The following SH3D19 variants were observed in gnomAD, a reference collection of about 807,000 sequenced individuals.
SH3D19 encodes the protein SH3 domain containing 19.
A neutral mutation model predicts 112.1 loss-of-function variants in SH3D19; 58 were observed. The observed-to-expected ratio is 0.52, with a 90% confidence interval of 0.42 to 0.64. SH3D19 has a LOEUF of 0.64. Among genes scored for constraint, SH3D19 ranks in the 30% least tolerant of loss-of-function variants. SH3D19 has a pLI of 0.00. For synonymous variants in SH3D19, 391 were observed against 448.5 expected (o/e 0.87, Z 1.62); for missense variants, 1,090 against 1,263.4 (o/e 0.86, Z 2.08).
chr4:151,145,408 C>A (rs1384317456), intron 11 of SH3D19, among the ~76,000 whole-genome samples: 2 of 152,108 alleles, frequency 1.3e-5, no homozygotes, highest in East Asian at 3.9e-4. Flanking sequence ...ATCAATCGAC[C>A]TTGTTATGTT....
intron 1 of SH3D19, chr4:151,277,185 G>A: frequency 6.7e-7 from 1 of 1,495,784 alleles, no homozygotes; most frequent in East Asian, 2.5e-5. Flanking sequence ...GGGCCCTGCT[G>A]GCTGTGCCTT....
intron 1 of SH3D19, among the ~76,000 whole-genome samples, chr4:151,314,094 A>T (rs1729759915): frequency 6.6e-6 from 1 of 152,214 alleles, no homozygotes; most frequent in South Asian, 2.1e-4. Flanking sequence ...AAGCTCCAGT[A>T]TAATGAAGGC....
intron 1 of SH3D19, among the ~76,000 whole-genome samples, chr4:151,288,164 C>T (rs1199240342): frequency 6.6e-6 from 1 of 151,900 alleles, no homozygotes; most frequent in Non-Finnish European, 1.5e-5. Flanking sequence ...AAACCCACAG[C>T]TAAAATACTT....
rs1379389179 is a variant in SH3D19 at position 151,286,196 on chromosome 4, A to AC, written c.112+39044_112+39045insG. The stretch of plus-strand genomic sequence containing the variant: ...ACCCTGTCTTAAAGAAAAAAAAAAA[A>AC]AAAAAAAACAACTAAACCTAAAGAA... On this transcript the variant is annotated intron_variant, in intron 1 of 19. Transcript: ENST00000604030. 1.7e-4 allele frequency among the ~76,000 whole-genome samples: 25 copies of AC among 150,052 alleles called. No homozygotes were observed. In the East Asian group the frequency reaches 3.9e-3, roughly 23 times the overall value.
intron 1 of SH3D19, among the ~76,000 whole-genome samples, chr4:151,273,640 C>T: frequency 7.3e-6 from 1 of 136,144 alleles, no homozygotes; most frequent in African/African-American, 2.8e-5. Context: ...GGGACAACCA[C>T]AAAATCCTCA....
intron 1 of SH3D19, among the ~76,000 whole-genome samples, chr4:151,256,351 G>A (rs1771915604): frequency 6.6e-6 from 1 of 152,230 alleles, no homozygotes; most frequent in South Asian, 2.1e-4. Context: ...AGAGAACATG[G>A]GCCTTGCCAA....
intron 1 of SH3D19, among the ~76,000 whole-genome samples, chr4:151,275,335 C>A (rs4417949): frequency 0.35 from 52,601 of 151,962 alleles, 10,285 homozygotes; most frequent in Non-Finnish European, 0.46. Context: ...GACCCACCCG[C>A]CTCGGCCTCC....
At chr4:151,199,794 G>A (rs939350837) in intron 2 of SH3D19, among the ~76,000 whole-genome samples, 2 of 152,096 alleles carry the variant, frequency 1.3e-5, no homozygotes, top group Admixed American at 6.5e-5. Context: ...CCCAAACTAC[G>A]AAATAGTATA....
intron 1 of SH3D19, among the ~76,000 whole-genome samples, chr4:151,229,120 C>A (rs1769382334): frequency 6.6e-6 from 1 of 151,296 alleles, no homozygotes; most frequent in Admixed American, 6.6e-5. Flanking sequence ...GATCCTCCTG[C>A]CTTGGCCTCC....
At chr4:151,208,968 T>C (rs1340559603) in intron 2 of SH3D19, among the ~76,000 whole-genome samples, 8 of 152,072 alleles carry the variant, frequency 5.3e-5, no homozygotes, top group African/African-American at 9.7e-5. Flanking sequence ...TGAGCCACCA[T>C]GCCCGGCCAG....
intron 2 of SH3D19, among the ~76,000 whole-genome samples, chr4:151,206,291 C>T (rs1410282012): frequency 6.6e-6 from 1 of 152,022 alleles, no homozygotes; most frequent in African/African-American, 2.4e-5. Flanking sequence ...TTCAGAAAAT[C>T]CTACATTAAA....
At chr4:151,198,356 T>C (rs2043689145) in intron 2 of SH3D19, among the ~76,000 whole-genome samples, 1 of 133,846 alleles carries the variant, frequency 7.5e-6, no homozygotes, top group Non-Finnish European at 1.6e-5. Flanking sequence ...ATATAAAATA[T>C]AAAATTATAT....
chr4:151,283,204 T>C, intron 1 of SH3D19: 2 of 1,613,904 alleles, frequency 1.2e-6, no homozygotes, highest in South Asian at 2.2e-5. Flanking sequence ...CCCATCGGTA[T>C]CTTCTTGCCA....
chr4:151,230,308 A>C (rs1235942715), intron 1 of SH3D19, among the ~76,000 whole-genome samples: 1 of 152,236 alleles, frequency 6.6e-6, no homozygotes. Context: ...TTTGAAATGG[A>C]GATGACAAAA....
At chr4:151,204,612 G>C (rs1764842827) in intron 2 of SH3D19, among the ~76,000 whole-genome samples, 1 of 152,124 alleles carries the variant, frequency 6.6e-6, no homozygotes, top group Admixed American at 6.5e-5. Flanking sequence ...TCTGCCATTT[G>C]ATGTCAAATA....
chr4:151,135,570 G>A (rs1014389546), intron 14 of SH3D19, among the ~76,000 whole-genome samples: 2 of 151,746 alleles, frequency 1.3e-5, no homozygotes, highest in Admixed American at 6.6e-5. Context: ...TGGGACTACC[G>A]GTGTGCACCA....
chr4:151,176,719 C>T lies in SH3D19; in HGVS notation c.376-32G>A, dbSNP rs556668696. 3.6e-5 allele frequency: 44 copies of T among 1,230,732 alleles called. No individual in the cohort carries two copies. In the Admixed American group the frequency reaches 1.7e-3, roughly 47 times the overall value. 76.2% of individuals were successfully genotyped at this position (1,230,732 alleles called of 1,614,324 possible). ...AGTAAAGAATGAAGATTTTAGACAT[C>T]TAAGGGCAATAGCTAAGGTGTTGAC... is the stretch of plus-strand genomic sequence containing the variant. On this transcript the variant is annotated intron_variant, in intron 5 of 19. Coordinates refer to ENST00000604030, the MANE Select transcript of SH3D19 (RefSeq NM_001378122.1).
At chr4:151,278,637 TC>T (rs1445165286) in intron 1 of SH3D19, among the ~76,000 whole-genome samples, 1 of 151,932 alleles carries the variant, frequency 6.6e-6, no homozygotes, top group Admixed American at 6.6e-5. Context: ...CACATTTTTT[TC>T]CTTTTCTTTT....
intron 7 of SH3D19, chr4:151,170,928 A>G (rs1758927724): frequency 6.6e-6 from 1 of 152,218 alleles, no homozygotes; most frequent in South Asian, 2.1e-4. Flanking sequence ...CATTTAACAC[A>G]AACAATAGCT....
Sources: gnomAD v4.1 joint callset for allele counts (sites outside exome capture counted in the v4.1 genomes callset) on GRCh38, gnomAD v4.1.1 for gene constraint, MANE v1.5 for transcripts, NCBI Gene and HGNC (gene_info 2026-07-23, HGNC 2026-07-21) for gene names.